XKR9: variants seen among roughly 807,000 people sequenced by gnomAD.
XKR9 encodes the protein XK-related protein 9.
A neutral mutation model predicts 32.0 loss-of-function variants in XKR9; 32 were observed. The observed-to-expected ratio is 1.00, with a 90% CI of 0.76 to 1.34. The LOEUF (loss-of-function observed/expected upper bound fraction) is 1.34. XKR9 is among the 40% of genes most tolerant of loss of function. XKR9 has a pLI of 0.00. For missense variants in XKR9, 546 were observed against 429.7 expected, an observed-to-expected ratio of 1.27 and a Z score of -2.39; for synonymous variants, 168 against 143.4, an observed-to-expected ratio of 1.17 and a Z score of -1.22.
At chr8:70,782,295 C>A (rs540916877) in intron 2 of XKR9, among the ~76,000 whole-genome samples, 1 of 152,108 alleles carries the variant, frequency 6.6e-6, no homozygotes, top group South Asian at 2.1e-4. Context: ...AATTTATAAT[C>A]GTATACATTT....
chr8:70,758,366 G>A (rs1340065239), intron 2 of XKR9, among the ~76,000 whole-genome samples: 1 of 152,174 alleles, frequency 6.6e-6, no homozygotes, highest in Admixed American at 6.5e-5. Flanking sequence ...TAACACCCTG[G>A]AATATAATTT....
At chr8:70,684,547 T>C (rs112713468) in intron 3 of XKR9, among the ~76,000 whole-genome samples, 11 of 145,660 alleles carry the variant, frequency 7.6e-5, no homozygotes, top group African/African-American at 9.9e-5. Flanking sequence ...AAAATTAAGA[T>C]CAATTAAATA....
downstream of XKR9, among the ~76,000 whole-genome samples, chr8:70,790,770 C>T (rs1352509808): frequency 1.3e-5 from 2 of 152,018 alleles, no homozygotes; most frequent in Admixed American, 6.6e-5. Context: ...CTTTTGGATT[C>T]CTATATCAAA....
the XKR9 span, among the ~76,000 whole-genome samples, chr8:70,820,854 A>G: frequency 1.0e-3 from 158 of 152,254 alleles, 3 homozygotes; most frequent in East Asian, 0.02. Context: ...GATTATGGGG[A>G]TTATAATTCC....
chr8:71,026,246 G>T, the XKR9 span, among the ~76,000 whole-genome samples: 1 of 152,074 alleles, frequency 6.6e-6, no homozygotes, highest in African/African-American at 2.4e-5. Context: ...GTACCTTATT[G>T]TTATTGGCTT....
chr8:71,019,902 G>A, the XKR9 span, among the ~76,000 whole-genome samples: 1 of 152,122 alleles, frequency 6.6e-6, no homozygotes, highest in Non-Finnish European at 1.5e-5. Flanking sequence ...GTTCTTAACT[G>A]GCCTGGTAAA....
At chr8:70,800,948 A>G in the XKR9 span, among the ~76,000 whole-genome samples, 1 of 148,498 alleles carries the variant, frequency 6.7e-6, no homozygotes, top group Non-Finnish European at 1.5e-5. Context: ...TTGTGTGTAT[A>G]GAGGTGTTCA....
the XKR9 span, among the ~76,000 whole-genome samples, chr8:71,042,971 G>A: frequency 6.6e-6 from 1 of 152,166 alleles, no homozygotes; most frequent in Non-Finnish European, 1.5e-5. Flanking sequence ...TTGTTAGACT[G>A]AGGAGCAACT....
chr8:70,953,059 G>C, the XKR9 span, among the ~76,000 whole-genome samples: 2 of 152,190 alleles, frequency 1.3e-5, no homozygotes, highest in Non-Finnish European at 2.9e-5. Context: ...GATGAGGACA[G>C]ATTAAAAATT....
intron 2 of XKR9, among the ~76,000 whole-genome samples, chr8:70,787,495 G>GA (rs2130263407): frequency 6.6e-6 from 1 of 152,252 alleles, no homozygotes; most frequent in African/African-American, 2.4e-5. Context: ...GACCTGAGGA[G>GA]AGTGAACGGG....
intron 3 of XKR9, among the ~76,000 whole-genome samples, chr8:70,698,937 T>A (rs926779883): frequency 2.4e-4 from 36 of 152,206 alleles, no homozygotes; most frequent in Admixed American, 4.6e-4. Flanking sequence ...TACCATTAAG[T>A]AATGGCCTTC....
the XKR9 span, among the ~76,000 whole-genome samples, chr8:70,873,398 A>G: frequency 3.3e-5 from 5 of 152,328 alleles, no homozygotes; most frequent in East Asian, 1.9e-4. Flanking sequence ...GAAAACTTCT[A>G]AAAAAGAGTC....
chr8:70,739,779 A>C (rs183204448), downstream of XKR9, among the ~76,000 whole-genome samples: 226 of 152,282 alleles, frequency 1.5e-3, 1 homozygote, highest in African/African-American at 5.1e-3. Context: ...TTTCTTTCAG[A>C]ATGTTGAATA....
chr8:71,048,606 G>A, the XKR9 span, among the ~76,000 whole-genome samples: 2 of 152,098 alleles, frequency 1.3e-5, no homozygotes, highest in African/African-American at 4.8e-5. Flanking sequence ...TTGCCAAAAT[G>A]GTTTTCTGAA....
chr8:70,713,549 C>G (rs1441777598), intron 4 of XKR9, among the ~76,000 whole-genome samples: 2 of 151,834 alleles, frequency 1.3e-5, no homozygotes, highest in Non-Finnish European at 2.9e-5. Flanking sequence ...TTCTGAGGCA[C>G]AAGAAGAAGT....
the XKR9 span, among the ~76,000 whole-genome samples, chr8:71,029,284 A>G: frequency 1.3e-5 from 2 of 152,218 alleles, no homozygotes; most frequent in Admixed American, 1.3e-4. Flanking sequence ...TGTTTCAACT[A>G]CTTTAATGTT....
At chr8:70,888,358 C>A in the XKR9 span, among the ~76,000 whole-genome samples, 1 of 151,616 alleles carries the variant, frequency 6.6e-6, no homozygotes, top group Admixed American at 6.6e-5. Context: ...ATATGAATTC[C>A]TTGTCAGATA....
chr8:71,037,006 G>A, the XKR9 span, among the ~76,000 whole-genome samples: 2 of 151,578 alleles, frequency 1.3e-5, no homozygotes, highest in African/African-American at 2.4e-5. Flanking sequence ...GAGCCACCAC[G>A]CCTGGCCCTA....
At chr8:70,920,207 C>T in the XKR9 span, among the ~76,000 whole-genome samples, 15 of 152,102 alleles carry the variant, frequency 9.9e-5, no homozygotes, top group Non-Finnish European at 1.6e-4. Flanking sequence ...GTCCTATATA[C>T]TTTTAGGAAT....
Sources: gnomAD v4.1 joint callset for allele counts (sites outside exome capture counted in the v4.1 genomes callset) on GRCh38, gnomAD v4.1.1 for gene constraint, MANE v1.5 for transcripts, NCBI Gene and HGNC (gene_info 2026-07-23, HGNC 2026-07-21) for gene names.